The following PLAAT5 variants were observed in gnomAD, a reference collection of about 807,000 sequenced individuals.
PLAAT5 encodes the protein Ca(2+)-independent N-acyltransferase.
PLAAT5 carries 27 observed loss-of-function variants against 27.8 expected under a neutral mutation model. The observed-to-expected ratio is 0.97, with a 90% CI of 0.72 to 1.34. The LOEUF (loss-of-function observed/expected upper bound fraction) is 1.34. Ranked by LOEUF, PLAAT5 falls within the 40% of genes most tolerant of loss-of-function variation. The pLI is 0.00. For synonymous variants in PLAAT5, 125 were observed against 136.1 expected (o/e 0.92, Z 0.57); for missense variants, 368 against 343.8 (o/e 1.07, Z -0.56).
In PLAAT5 at chr11:63,461,745, T is replaced by C. The variant is rs1316836584; in HGVS notation, c.*1758A>G. On this transcript the variant is annotated 3_prime_UTR_variant, in exon 6 of 6. Transcript: ENST00000540857. ...GCAAGTGGACTTTGCCCCATGTCCA[T>C]TGTGCCTTGTGTCTTCCTAGCCAAC... 2.0e-5 allele frequency: 3 copies of C among 152,218 alleles called. No individual in the cohort carries two copies. Among genetic ancestry groups the C allele is most frequent in the Non-Finnish European group, 2.9e-5 (2 of 68,044 alleles). The allele number at this position is 152,218 out of a possible 1,614,324, so 9.4% of individuals were successfully genotyped here.
Position 63,463,195 on chromosome 11 carries a change from G to A in PLAAT5, c.*308C>T. ...ACTCAAGCATCGGAGACCAAGGTCA[G>A]CCTAAGACACAAGCAAGGTCCCATC... is the stretch of plus-strand genomic sequence containing the variant. On this transcript the variant is annotated 3_prime_UTR_variant, in exon 6 of 6. Transcript: ENST00000540857. The A allele has an allele frequency of 3.3e-6, 1 of 303,432 alleles. No homozygotes were observed. Among genetic ancestry groups the A allele is most frequent in the African/African-American group, 2.1e-5 (1 of 47,392 alleles). The allele number at this position is 303,432 out of a possible 1,614,324, so 18.8% of individuals were successfully genotyped here.
At chr11:63,479,056 CTG>C (rs1214591008) in intron 3 of PLAAT5, among the ~76,000 whole-genome samples, 1 of 152,206 alleles carries the variant, frequency 6.6e-6, no homozygotes. Context: ...AGACTTCAAA[CTG>C]GACTTCATTT....
At chr11:63,476,818 G>T (rs183637918) in intron 3 of PLAAT5, among the ~76,000 whole-genome samples, 1 of 151,976 alleles carries the variant, frequency 6.6e-6, no homozygotes, top group Non-Finnish European at 1.5e-5. Context: ...TTATACATTT[G>T]TTGGTTTGCT....
intron 3 of PLAAT5, 99 bp downstream of exon 3, chr11:63,488,772 T>C: frequency 1.4e-6 from 1 of 713,398 alleles, no homozygotes; most frequent in East Asian, 2.8e-5. Context: ...CAGGGAAGCC[T>C]AAAGATTGGA....
intron 3 of PLAAT5, among the ~76,000 whole-genome samples, chr11:63,469,078 C>T (rs2120233303): frequency 6.7e-6 from 1 of 149,908 alleles, no homozygotes; most frequent in Middle Eastern, 3.4e-3. Context: ...CCTGCTTGCC[C>T]AGCAAATGCA....
intron 3 of PLAAT5, among the ~76,000 whole-genome samples, chr11:63,485,670 T>G (rs1363328911): frequency 6.6e-6 from 1 of 152,134 alleles, no homozygotes; most frequent in African/African-American, 2.4e-5. Flanking sequence ...ACCATAAAAA[T>G]TCTAGAAGAT....
chr11:63,483,345 T>C (rs925674493), intron 3 of PLAAT5, among the ~76,000 whole-genome samples: 3 of 152,044 alleles, frequency 2.0e-5, no homozygotes, highest in African/African-American at 7.2e-5. Flanking sequence ...CCAAGATAGA[T>C]CATTTGATAG....
rs547720681 is a variant in PLAAT5, at chr11:63,462,300, G to A, written c.*1203C>T. ...AACTGATTCTCAGGCAGGGGAGTGT[G>A]AGAAGAAATGGGGAAGAGGAACTAG... On this transcript the variant is annotated 3_prime_UTR_variant, in exon 6 of 6. Transcript: ENST00000540857. The A allele has an allele frequency of 6.6e-6, 1 of 152,220 alleles. No individual in the cohort carries two copies. Among genetic ancestry groups the A allele is most frequent in the African/African-American group, 2.4e-5 (1 of 41,440 alleles). The allele number at this position is 152,220 out of a possible 1,614,324, so 9.4% of individuals were successfully genotyped here. A position where few individuals can be genotyped will look rare whatever the true frequency, so the allele number is the denominator to read the frequency against.
rs190885285 is a variant in PLAAT5 at position 63,463,515 on chromosome 11, T to G, written c.798A>C (p.Pro266=). 5.6e-6 allele frequency: 9 copies of G among 1,613,402 alleles called. No homozygotes were observed. In the East Asian group the frequency reaches 2.0e-4, roughly 36 times the overall value. ...GTTTTCATCACCTTCAGGCAGTTAT[T>G]GGTTTGGGCTTTATGCTATCCACTA... ...SAVVDSIKPK[P]ITA The change falls in exon 6 of 6, where the codon CCA becomes CCC. Residue 266 remains proline (P), a synonymous_variant. Coordinates refer to ENST00000540857, the MANE Select transcript of PLAAT5 (RefSeq NM_001146729.2).
intron 2 of PLAAT5, 75 bp downstream of exon 2, chr11:63,490,168 T>C (rs2016526997): frequency 6.2e-7 from 1 of 1,603,832 alleles, no homozygotes; most frequent in Admixed American, 1.7e-5. Flanking sequence ...GGGTTTGTTT[T>C]ACAGAACTGC....
At position 63,463,257 on chromosome 11, in the gene PLAAT5, G is replaced by A; in HGVS notation, c.*246C>T. On this transcript the variant is annotated 3_prime_UTR_variant, in exon 6 of 6. Transcript: ENST00000540857. Reference sequence around the variant, plus strand: ...GTGAAATTAGATCCGTATATGAAATGCCTAGCACAGTGCCTGGCGCATAAG... The same window carrying A: ...GTGAAATTAGATCCGTATATGAAATACCTAGCACAGTGCCTGGCGCATAAG... 3.9e-6 allele frequency: 2 copies of A among 515,798 alleles called. No homozygotes were observed. The highest frequency in any genetic ancestry group is 7.0e-6 in the Non-Finnish European group (2 of 285,616). 32.0% of individuals were successfully genotyped at this position (515,798 alleles called of 1,614,324 possible).
intron 5 of PLAAT5, among the ~76,000 whole-genome samples, chr11:63,464,313 A>T (rs1262641415): frequency 2.0e-5 from 3 of 152,232 alleles, no homozygotes. Context: ...TAGAAAAAAA[A>T]TAGAATAATT....
chr11:63,475,640 A>G (rs1003064857), intron 3 of PLAAT5, among the ~76,000 whole-genome samples: 6 of 151,954 alleles, frequency 3.9e-5, no homozygotes, highest in African/African-American at 1.4e-4. Context: ...ATTTATGACT[A>G]TAATTTTACT....
At chr11:63,481,454 T>C (rs1251133813) in intron 3 of PLAAT5, among the ~76,000 whole-genome samples, 1 of 152,044 alleles carries the variant, frequency 6.6e-6, no homozygotes, top group Non-Finnish European at 1.5e-5. Flanking sequence ...ATAATAATAA[T>C]AATAATAATC....
In PLAAT5 at chr11:63,463,356, T is replaced by A; in HGVS notation, c.*147A>T. 1 of 699,948 alleles carries A rather than the reference T, an allele frequency of 1.4e-6. No individual in the cohort carries two copies. 43.4% of individuals were successfully genotyped at this position (699,948 alleles called of 1,614,324 possible). A position where few individuals can be genotyped will look rare whatever the true frequency, so the allele number is the denominator to read the frequency against. On this transcript the variant is annotated 3_prime_UTR_variant, in exon 6 of 6. Transcript: ENST00000540857. Reference sequence around the variant, plus strand: ...CTATGCTCGTATATATTGGATGTATTTCTGGAAGGGTAATTGGATACATTG... The same window carrying A: ...CTATGCTCGTATATATTGGATGTATATCTGGAAGGGTAATTGGATACATTG...
rs184342747 is a variant in PLAAT5 at position 63,485,721 on chromosome 11, A to G, written c.345+3150T>C. Among the ~76,000 whole-genome samples the G allele has an allele frequency of 3.9e-5, 6 of 152,330 alleles. No homozygotes were observed. In the East Asian group the frequency reaches 9.6e-4, roughly 24 times the overall value. ...CTTCTAGACATTGGCTTAGGAAAAG[A>G]GTTCATGATCAAGAACCCAAAAGCA... On this transcript the variant is annotated intron_variant, in intron 3 of 5. Transcript: ENST00000540857.
intron 1 of PLAAT5, 152 bp downstream of exon 1, chr11:63,490,735 T>C: frequency 4.0e-6 from 3 of 751,368 alleles, no homozygotes; most frequent in Non-Finnish European, 6.3e-6. Flanking sequence ...ATTAGCTTTA[T>C]AACAAGCGGT....
At chr11:63,481,292 T>C (rs2016278856) in intron 3 of PLAAT5, among the ~76,000 whole-genome samples, 1 of 151,904 alleles carries the variant, frequency 6.6e-6, no homozygotes, top group African/African-American at 2.4e-5. Context: ...CTACAAAAAT[T>C]AGTGAGACAT....
intron 3 of PLAAT5, among the ~76,000 whole-genome samples, chr11:63,468,991 C>G (rs1010895365): frequency 6.6e-6 from 1 of 152,030 alleles, no homozygotes; most frequent in Non-Finnish European, 1.5e-5. Flanking sequence ...AGGGCCCCCA[C>G]GTGACCCACC....
Sources: gnomAD v4.1 joint callset for allele counts (sites outside exome capture counted in the v4.1 genomes callset) on GRCh38, gnomAD v4.1.1 for gene constraint, MANE v1.5 for transcripts, NCBI Gene and HGNC (gene_info 2026-07-23, HGNC 2026-07-21) for gene names.